The following CHD9 variants were observed in gnomAD, a reference collection of about 807,000 sequenced individuals.
CHD9 encodes the protein ATP-dependent chromatin remodeler CHD9.
Under a neutral mutation model 316.1 loss-of-function variants are expected in CHD9, and 77 were observed. The observed-to-expected ratio is 0.24, with a 90% confidence interval of 0.20 to 0.29. The LOEUF is 0.29. Among genes scored for constraint, CHD9 ranks in the 10% least tolerant of loss-of-function variants. The pLI is 1.00. For synonymous variants in CHD9, 1,129 were observed against 1,158.3 expected (o/e 0.97, Z 0.51); for missense variants, 2,763 against 3,438.1 (o/e 0.80, Z 4.91).
chr16:53,238,284 C>T, intron 11 of CHD9, 59 bp from the exon 12 acceptor site: 3 of 1,364,124 alleles, frequency 2.2e-6, no homozygotes, highest in South Asian at 1.5e-5. Context: ...GTATATTTAT[C>T]TTTAAAGTAT....
At chr16:53,082,526 C>G (rs957616046) in intron 1 of CHD9, among the ~76,000 whole-genome samples, 3 of 152,216 alleles carry the variant, frequency 2.0e-5, no homozygotes, top group Non-Finnish European at 4.4e-5. Flanking sequence ...CAGGCATGAG[C>G]CACTGCACCC....
intron 1 of CHD9, among the ~76,000 whole-genome samples, chr16:53,149,232 A>G (rs1314599536): frequency 6.6e-6 from 1 of 152,030 alleles, no homozygotes; most frequent in Non-Finnish European, 1.5e-5. Context: ...ATATTTTGCT[A>G]TTGTTGGGTA....
chr16:53,274,757 A>G (rs2052637048), intron 24 of CHD9, among the ~76,000 whole-genome samples: 2 of 152,078 alleles, frequency 1.3e-5, no homozygotes, highest in African/African-American at 4.8e-5. Flanking sequence ...CACCACGCCC[A>G]GCCTATTTTT....
chr16:53,101,279 T>TC (rs2036856892), intron 1 of CHD9, among the ~76,000 whole-genome samples: 1 of 149,776 alleles, frequency 6.7e-6, no homozygotes, highest in African/African-American at 2.4e-5. Flanking sequence ...TTTTCTTTTT[T>TC]TTTTTTTTTT....
chr16:53,229,645 T>C (rs2048000257), intron 8 of CHD9, among the ~76,000 whole-genome samples: 2 of 152,174 alleles, frequency 1.3e-5, no homozygotes, highest in South Asian at 4.1e-4. Flanking sequence ...TTAAACAAAA[T>C]AGTCACAAAA....
intron 2 of CHD9, among the ~76,000 whole-genome samples, chr16:53,198,034 T>C (rs1354464535): frequency 6.6e-6 from 1 of 152,112 alleles, no homozygotes; most frequent in African/African-American, 2.4e-5. Context: ...TAGCCAATTA[T>C]ATTTTCTCAA....
intron 1 of CHD9, 125 bp from the exon 2 acceptor site, chr16:53,155,801 C>T: frequency 3.1e-6 from 1 of 325,606 alleles, no homozygotes; most frequent in Non-Finnish European, 5.6e-6. Flanking sequence ...TAAATCGAGT[C>T]ATATAATATG....
At chr16:53,266,426 C>A (rs2051703229) in intron 20 of CHD9, among the ~76,000 whole-genome samples, 2 of 152,156 alleles carry the variant, frequency 1.3e-5, no homozygotes, top group Admixed American at 1.3e-4. Flanking sequence ...AAATCTGATA[C>A]CACTTCAGGT....
chr16:53,182,004 G>A (rs1309810532), intron 2 of CHD9, among the ~76,000 whole-genome samples: 1 of 152,064 alleles, frequency 6.6e-6, no homozygotes, highest in East Asian at 1.9e-4. Flanking sequence ...ACTTGAACCT[G>A]GGAGACAGAG....
At chr16:53,146,419 G>GTGTGTATATATATATATA (rs1555492145) in intron 1 of CHD9, among the ~76,000 whole-genome samples, 2 of 76,714 alleles carry the variant, frequency 2.6e-5, no homozygotes, top group African/African-American at 1.2e-4. Flanking sequence ...GTGTGTGTAT[G>GTGTGTATATATATATATA]TATATATATA....
At chr16:53,140,791 G>C (rs986884480) in intron 1 of CHD9, among the ~76,000 whole-genome samples, 2 of 152,204 alleles carry the variant, frequency 1.3e-5, no homozygotes, top group African/African-American at 4.8e-5. Context: ...GGGTCTCGCT[G>C]TGTGCCCAGG....
intron 4 of CHD9, 142 bp from the exon 5 acceptor site, chr16:53,226,224 A>T: frequency 1.9e-6 from 1 of 516,768 alleles, no homozygotes; most frequent in Non-Finnish European, 3.2e-6. Context: ...TCCTCTAATT[A>T]AAAACAAAAT....
chr16:53,279,913 TAAG>T (rs2053240728), intron 24 of CHD9, among the ~76,000 whole-genome samples: 1 of 151,968 alleles, frequency 6.6e-6, no homozygotes. Flanking sequence ...TCAACAAACA[TAAG>T]AAAAAATGCC....
chr16:53,214,749 G>A (rs1161577603), intron 3 of CHD9, among the ~76,000 whole-genome samples: 1 of 152,026 alleles, frequency 6.6e-6, no homozygotes, highest in African/African-American at 2.4e-5. Flanking sequence ...TTGACAAATA[G>A]ATGTACCATA....
At chr16:53,281,132 CA>C in intron 24 of CHD9, among the ~76,000 whole-genome samples, 1 of 152,276 alleles carries the variant, frequency 6.6e-6, no homozygotes, top group South Asian at 2.1e-4. Context: ...GATCTATAAA[CA>C]GGTAAATCTG....
intron 1 of CHD9, among the ~76,000 whole-genome samples, chr16:53,071,963 G>T (rs77870689): frequency 0.015 from 2,238 of 152,236 alleles, 59 homozygotes; most frequent in African/African-American, 0.051. Flanking sequence ...TCTTTTTCAG[G>T]CATTGAGTTT....
rs144209228 is a variant in CHD9 at position 53,144,653 on chromosome 16, C to T, written c.-164-11273C>T. ...AAGCGATTCTCCCGCCTCAGCCTCCCGAGTAGCTGGGACTACAGGCGCCCA... is the reference window on the plus strand; with the variant it reads ...AAGCGATTCTCCCGCCTCAGCCTCCTGAGTAGCTGGGACTACAGGCGCCCA... On this transcript the variant is annotated intron_variant, in intron 1 of 38. Coordinates refer to ENST00000447540, the MANE Select transcript of CHD9 (RefSeq NM_001308319.2). 2.2e-3 allele frequency among the ~76,000 whole-genome samples: 330 copies of T among 151,958 alleles called. 1 individual carries two copies. Among genetic ancestry groups the T allele is most frequent in the African/African-American group, 7.6e-3 (314 of 41,428 alleles).
At chr16:53,216,153 T>C (rs991076264) in intron 3 of CHD9, among the ~76,000 whole-genome samples, 5 of 152,176 alleles carry the variant, frequency 3.3e-5, no homozygotes, top group Admixed American at 3.3e-4. Flanking sequence ...ATCAGTTTAT[T>C]TGAAGCATGT....
chr16:53,202,562 G>T (rs1359746436), intron 2 of CHD9, among the ~76,000 whole-genome samples: 1 of 151,578 alleles, frequency 6.6e-6, no homozygotes, highest in African/African-American at 2.4e-5. Flanking sequence ...TCCCCATTTT[G>T]CTGATTACAT....
Sources: gnomAD v4.1 joint callset for allele counts (sites outside exome capture counted in the v4.1 genomes callset) on GRCh38, gnomAD v4.1.1 for gene constraint, MANE v1.5 for transcripts, NCBI Gene and HGNC (gene_info 2026-07-23, HGNC 2026-07-21) for gene names.